The following IQGAP2 variants were observed in gnomAD, a reference collection of about 807,000 sequenced individuals.
IQGAP2 encodes the protein IQ motif containing GTPase activating protein 2, also known as ras GTPase-activating-like protein IQGAP2.
IQGAP2 carries 173 observed loss-of-function variants against 201.3 expected under a neutral mutation model. The observed-to-expected ratio is 0.86, with a 90% CI of 0.76 to 0.98. IQGAP2 has a LOEUF of 0.98. IQGAP2 is among the 50% of genes least tolerant of loss of function. IQGAP2 has a pLI of 0.00. For synonymous variants in IQGAP2, 675 were observed against 673.9 expected (o/e 1.00, Z -0.03); for missense variants, 1,687 against 1,864.8 (o/e 0.90, Z 1.76).
At chr5:76,679,859 A>G (rs1234317708) in intron 28 of IQGAP2, among the ~76,000 whole-genome samples, 5 of 152,236 alleles carry the variant, frequency 3.3e-5, no homozygotes, top group Non-Finnish European at 5.9e-5. Context: ...TTTGCTTTAA[A>G]ACAAAGTACC....
intron 1 of IQGAP2, among the ~76,000 whole-genome samples, chr5:76,417,755 AT>A (rs1417101174): frequency 2.0e-5 from 3 of 150,584 alleles, no homozygotes; most frequent in East Asian, 4.0e-4. Context: ...TAATTTTTGT[AT>A]TTTTAGTAGG....
intron 10 of IQGAP2, among the ~76,000 whole-genome samples, chr5:76,599,736 A>G (rs1747298104): frequency 6.6e-6 from 1 of 152,202 alleles, no homozygotes; most frequent in Non-Finnish European, 1.5e-5. Flanking sequence ...GCATTTTAAG[A>G]TGAACATTAT....
At chr5:76,405,181 A>G (rs562464987) in intron 1 of IQGAP2, among the ~76,000 whole-genome samples, 1 of 152,366 alleles carries the variant, frequency 6.6e-6, no homozygotes, top group African/African-American at 2.4e-5. Flanking sequence ...AATGTGGTAC[A>G]TGAATGCAGC....
At chr5:76,441,462 A>G in intron 1 of IQGAP2, 1 of 984,596 alleles carries the variant, frequency 1.0e-6, no homozygotes, top group Middle Eastern at 5.2e-4. Flanking sequence ...GATATGAGAA[A>G]AAGAACCAAA....
chr5:76,616,615 G>A (rs2069704), intron 13 of IQGAP2: 1,966 of 152,828 alleles, frequency 0.013, 33 homozygotes, highest in East Asian at 0.087. Context: ...ACTTTGGGAG[G>A]CTGAGATAGG....
intron 21 of IQGAP2, among the ~76,000 whole-genome samples, chr5:76,661,713 C>T (rs2082293149): frequency 6.6e-6 from 1 of 152,186 alleles, no homozygotes; most frequent in Non-Finnish European, 1.5e-5. Flanking sequence ...ATTACACTCA[C>T]TCTACAGATG....
intron 14 of IQGAP2, among the ~76,000 whole-genome samples, chr5:76,629,685 T>C (rs1750539280): frequency 6.6e-6 from 1 of 152,230 alleles, no homozygotes. Context: ...ATAAAGAGAT[T>C]TTTTTCACTC....
Position 76,611,161 on chromosome 5 carries a change from A to G in IQGAP2, c.1499A>G (p.His500Arg), listed in dbSNP as rs1303291580. The G allele has an allele frequency of 4.3e-6, 7 of 1,609,340 alleles. No homozygotes were observed. The South Asian group carries it at 4.5e-5, about 10-fold the overall frequency. ...CAGCACTACCAGGATGTTTTATACCATGCTAAATCACAGAAACTCGGAGTA... is the reference window on the plus strand; with the variant it reads ...CAGCACTACCAGGATGTTTTATACCGTGCTAAATCACAGAAACTCGGAGTA... ...HAQHYQDVLY[H>R]AKSQKLGDSE... is the part of the protein sequence containing the mutation. The change falls in exon 13 of 36, where the codon CAT becomes CGT. Residue 500 changes from histidine to arginine, a missense_variant. Transcript: ENST00000274364.
chr5:76,565,857 G>A (rs774068972), intron 3 of IQGAP2, among the ~76,000 whole-genome samples: 4 of 152,158 alleles, frequency 2.6e-5, no homozygotes, highest in Admixed American at 6.5e-5. Context: ...CCTAATGGGT[G>A]TGTGTAAAAA....
rs1750745824 is a variant in IQGAP2, at chr5:76,631,975, G to A, written c.1729G>A (p.Asp577Asn). ...NANDIIPECA[D>N]KYYDALVKAK... ...AAATGACATAATCCCGGAGTGTGCT[G>A]ACAAATACTATGATGCCCTTGTGAA... The change falls in exon 15 of 36, where the codon GAC (aspartate) becomes AAC (asparagine). Residue 577 changes from aspartate to asparagine, a missense_variant. Coordinates refer to ENST00000274364, the MANE Select transcript of IQGAP2 (RefSeq NM_006633.5). 6.2e-7 allele frequency: 1 copy of A among 1,612,150 alleles called. No homozygotes were observed. Among genetic ancestry groups the A allele is most frequent in the African/African-American group, 1.3e-5 (1 of 74,812 alleles).
intron 13 of IQGAP2, among the ~76,000 whole-genome samples, chr5:76,612,353 A>G (rs947212776): frequency 2.6e-5 from 4 of 152,124 alleles, no homozygotes; most frequent in African/African-American, 9.7e-5. Flanking sequence ...AAAATTAGCC[A>G]GGTGTGGTGG....
At chr5:76,604,305 A>G (rs1021958105) in intron 11 of IQGAP2, among the ~76,000 whole-genome samples, 6 of 127,696 alleles carry the variant, frequency 4.7e-5, no homozygotes, top group Non-Finnish European at 1.0e-4. Context: ...AAAGGACATG[A>G]ACTCATCCTT....
At chr5:76,686,541 G>T (rs1027217070) in intron 30 of IQGAP2, among the ~76,000 whole-genome samples, 1 of 152,012 alleles carries the variant, frequency 6.6e-6, no homozygotes, top group African/African-American at 2.4e-5. Flanking sequence ...ACAGCGTCTC[G>T]CTCTGTCGCC....
rs547155944 is a variant in IQGAP2, at chr5:76,644,295, CTTTTTT to C, written c.2094+3209_2094+3214del. Reference sequence around the variant, plus strand: ...AATGAGACTGCCATTTTTGTAAATCCTTTTTTTTTTTTTTTTTTTTTTGAGACAGAG... The same window carrying C: ...AATGAGACTGCCATTTTTGTAAATCCTTTTTTTTTTTTTTTTGAGACAGAG... On this transcript the variant is annotated intron_variant, in intron 17 of 35. Transcript: ENST00000274364. 1.3e-3 allele frequency among the ~76,000 whole-genome samples: 61 copies of C among 47,792 alleles called. 2 individuals are homozygous for C. The highest frequency in any genetic ancestry group is 1.8e-3 in the Non-Finnish European group (41 of 23,026). 31.4% of individuals were successfully genotyped at this position (47,792 alleles called of 152,430 possible).
intron 1 of IQGAP2, among the ~76,000 whole-genome samples, chr5:76,407,514 A>G (rs190622327): frequency 6.4e-4 from 97 of 152,358 alleles, no homozygotes; most frequent in Non-Finnish European, 8.2e-4. Flanking sequence ...CGTTTGAACC[A>G]TAGAAAGGTA....
chr5:76,624,684 T>G (rs574431326), intron 13 of IQGAP2, among the ~76,000 whole-genome samples: 1 of 152,348 alleles, frequency 6.6e-6, no homozygotes, highest in East Asian at 1.9e-4. Flanking sequence ...TTAATTCATT[T>G]GTAACTCTTA....
At chr5:76,696,436 T>C (rs1746753545) in intron 32 of IQGAP2, among the ~76,000 whole-genome samples, 1 of 152,210 alleles carries the variant, frequency 6.6e-6, no homozygotes. Context: ...GATCTCAACT[T>C]AGTGCAATGA....
At chr5:76,575,991 A>G (rs1038290155) in intron 5 of IQGAP2, among the ~76,000 whole-genome samples, 1 of 152,210 alleles carries the variant, frequency 6.6e-6, no homozygotes, top group Non-Finnish European at 1.5e-5. Flanking sequence ...AACTCAAAAT[A>G]GAAAACCAGA....
At chr5:76,573,632 G>A (rs4704337) in intron 4 of IQGAP2, among the ~76,000 whole-genome samples, 23,253 of 152,142 alleles carry the variant, frequency 0.15, 1,958 homozygotes, top group Admixed American at 0.27. Flanking sequence ...TGTTTTTTGA[G>A]ACGGAGTCTC....
Sources: gnomAD v4.1 joint callset for allele counts (sites outside exome capture counted in the v4.1 genomes callset) on GRCh38, gnomAD v4.1.1 for gene constraint, MANE v1.5 for transcripts, NCBI Gene and HGNC (gene_info 2026-07-23, HGNC 2026-07-21) for gene names.